Variants in PPFIA2 observed in about 807,000 individuals in gnomAD.
PPFIA2 encodes PPFI scaffold protein A2.
Under a neutral mutation model 175.5 loss-of-function variants are expected in PPFIA2, and 46 were observed. The ratio of observed to expected loss-of-function variants is 0.26; its 90% CI spans 0.21 to 0.34. The LOEUF is 0.34. Ranked by LOEUF, PPFIA2 falls within the 10% of genes least tolerant of loss-of-function variation. The pLI is 1.00. For synonymous variants in PPFIA2, 568 were observed against 511.4 expected (o/e 1.11, Z -1.49); for missense variants, 1,179 against 1,506.1 (o/e 0.78, Z 3.60).
At chr12:81,582,883 A>G (rs2074626651) in intron 4 of PPFIA2, among the ~76,000 whole-genome samples, 1 of 151,870 alleles carries the variant, frequency 6.6e-6, no homozygotes, top group Non-Finnish European at 1.5e-5. Flanking sequence ...TACTATAATA[A>G]CATTAAGCAA....
At chr12:81,758,598 C>T (rs2085055301) in intron 1 of PPFIA2, 91 bp from the exon 2 acceptor site, 1 of 350,564 alleles carries the variant, frequency 2.9e-6, no homozygotes, top group Non-Finnish European at 5.8e-6. Context: ...GGCAGGAGCT[C>T]GGCATCTTCC....
chr12:81,636,101 A>G (rs963353191), intron 4 of PPFIA2, among the ~76,000 whole-genome samples: 4 of 152,166 alleles, frequency 2.6e-5, no homozygotes, highest in Admixed American at 6.5e-5. Flanking sequence ...TAAATGTGAA[A>G]GAATATGGAA....
intron 4 of PPFIA2, chr12:81,675,460 T>A (rs1479107161): frequency 6.6e-6 from 1 of 152,012 alleles, no homozygotes; most frequent in African/African-American, 2.4e-5. Flanking sequence ...AACATGTAAA[T>A]AATGGATAAG....
At chr12:81,378,921 T>C (rs1274251501) in intron 9 of PPFIA2, among the ~76,000 whole-genome samples, 1 of 151,490 alleles carries the variant, frequency 6.6e-6, no homozygotes, top group African/African-American at 2.4e-5. Context: ...GCACATAGCA[T>C]TGTTGTTAAG....
At chr12:81,310,650 T>C (rs1306633800) in intron 22 of PPFIA2, among the ~76,000 whole-genome samples, 3 of 152,166 alleles carry the variant, frequency 2.0e-5, no homozygotes, top group Admixed American at 1.3e-4. Context: ...ACTCAATGTC[T>C]ATAATATTTG....
chr12:81,593,868 G>T (rs1595402878), intron 4 of PPFIA2, among the ~76,000 whole-genome samples: 1 of 152,066 alleles, frequency 6.6e-6, no homozygotes, highest in South Asian at 2.1e-4. Context: ...GTCATTTAAG[G>T]CAGTGATCCC....
intron 4 of PPFIA2, among the ~76,000 whole-genome samples, chr12:81,621,985 A>G (rs2062095281): frequency 6.6e-6 from 1 of 152,198 alleles, no homozygotes; most frequent in South Asian, 2.1e-4. Flanking sequence ...TGAGCCCTGT[A>G]ACATCCCAAT....
chr12:81,404,062 G>T (rs1325039617), intron 8 of PPFIA2, among the ~76,000 whole-genome samples: 1 of 152,038 alleles, frequency 6.6e-6, no homozygotes, highest in Non-Finnish European at 1.5e-5. Context: ...CAAGAATTGA[G>T]GTTGCTGCAG....
chr12:81,478,256 T>A (rs571191699), intron 4 of PPFIA2, among the ~76,000 whole-genome samples: 1 of 152,154 alleles, frequency 6.6e-6, no homozygotes, highest in South Asian at 2.1e-4. Flanking sequence ...AGTACTGATA[T>A]CTCCTTTATC....
chr12:81,393,251 A>C (rs1024546223), intron 8 of PPFIA2, among the ~76,000 whole-genome samples: 1 of 152,126 alleles, frequency 6.6e-6, no homozygotes, highest in Admixed American at 6.6e-5. Context: ...CTTACTCTGT[A>C]TAGTTTGAAG....
intron 2 of PPFIA2, among the ~76,000 whole-genome samples, chr12:81,757,394 T>C (rs2084856255): frequency 6.6e-6 from 1 of 152,090 alleles, no homozygotes. Context: ...TTTTCATCAT[T>C]CCCCCCTCAA....
At chr12:81,409,131 G>A (rs1024746310) in intron 7 of PPFIA2, among the ~76,000 whole-genome samples, 3 of 152,118 alleles carry the variant, frequency 2.0e-5, no homozygotes, top group Non-Finnish European at 4.4e-5. Flanking sequence ...CACAAGAGAT[G>A]GCTAGGGAAC....
At chr12:81,519,682 C>T (rs1430424670) in intron 4 of PPFIA2, among the ~76,000 whole-genome samples, 1 of 152,164 alleles carries the variant, frequency 6.6e-6, no homozygotes, top group Non-Finnish European at 1.5e-5. Flanking sequence ...AACTAACATG[C>T]TCCTAAAACC....
intron 4 of PPFIA2, among the ~76,000 whole-genome samples, chr12:81,621,480 C>T (rs964902937): frequency 1.3e-5 from 2 of 152,106 alleles, no homozygotes; most frequent in Admixed American, 6.5e-5. Flanking sequence ...GAATAAATGA[C>T]CAAGATTTTG....
intron 5 of PPFIA2, among the ~76,000 whole-genome samples, chr12:81,455,397 G>T (rs2053405267): frequency 6.6e-6 from 1 of 152,124 alleles, no homozygotes; most frequent in African/African-American, 2.4e-5. Flanking sequence ...CCACATCACT[G>T]CTTTAAAGAA....
Position 81,415,098 on chromosome 12 carries a change from A to G in PPFIA2, c.646-9195T>C, listed in dbSNP as rs184085086. On this transcript the variant is annotated intron_variant, in intron 7 of 32. Coordinates refer to ENST00000549396, the MANE Select transcript of PPFIA2 (RefSeq NM_003625.5). ...GCAGATTTTGAAAGCTTGTGACACC[A>G]AACTGTTCCAGTGAATAATCAAATT... 4.2e-3 allele frequency among the ~76,000 whole-genome samples: 600 copies of G among 144,236 alleles called. 6 individuals carry two copies. Among genetic ancestry groups the G allele is most frequent in the Admixed American group, 0.019 (266 of 14,114 alleles). 94.6% of individuals were successfully genotyped at this position (144,236 alleles called of 152,430 possible).
At chr12:81,375,139 T>C (rs531001428) in intron 10 of PPFIA2, among the ~76,000 whole-genome samples, 3 of 152,238 alleles carry the variant, frequency 2.0e-5, no homozygotes, top group Non-Finnish European at 4.4e-5. Flanking sequence ...AGCATGATGA[T>C]CCAGGCTCTA....
intron 4 of PPFIA2, among the ~76,000 whole-genome samples, chr12:81,484,672 G>A (rs1235499989): frequency 1.3e-5 from 2 of 151,904 alleles, no homozygotes; most frequent in Non-Finnish European, 2.9e-5. Context: ...ATTCTAGCAA[G>A]AGAAGCATTT....
intron 31 of PPFIA2, 115 bp downstream of exon 31, chr12:81,263,116 C>T (rs2036175742): frequency 9.2e-7 from 1 of 1,088,802 alleles, no homozygotes; most frequent in Non-Finnish European, 1.3e-6. Context: ...AAGTAAATTT[C>T]AAGCAGAGCA....
Sources: gnomAD v4.1 joint callset for allele counts (sites outside exome capture counted in the v4.1 genomes callset) on GRCh38, gnomAD v4.1.1 for gene constraint, MANE v1.5 for transcripts, NCBI Gene and HGNC (gene_info 2026-07-23, HGNC 2026-07-21) for gene names.